NTAQ1: variants seen among roughly 807,000 people sequenced by gnomAD.
NTAQ1 encodes the protein N-terminal glutamine amidase 1.
In NTAQ1, 21 loss-of-function variants were observed where a neutral mutation model predicts 28.2. The ratio of observed to expected loss-of-function variants is 0.74; its 90% CI spans 0.53 to 1.07. The LOEUF (loss-of-function observed/expected upper bound fraction) is 1.07, where lower values mean the gene tolerates loss of function less well. Ranked by LOEUF, NTAQ1 falls within the 50% of genes least tolerant of loss-of-function variation. NTAQ1 has a pLI of 0.00. For synonymous variants in NTAQ1, 105 were observed against 90.0 expected, an observed-to-expected ratio of 1.17 and a Z score of -0.94; for missense variants, 264 against 256.6, an observed-to-expected ratio of 1.03 and a Z score of -0.20.
downstream of NTAQ1, among the ~76,000 whole-genome samples, chr8:123,472,371 A>C (rs1200477208): frequency 6.6e-6 from 1 of 152,198 alleles, no homozygotes; most frequent in East Asian, 1.9e-4. Context: ...AAATTACCAC[A>C]AACTTGATGA....
downstream of NTAQ1, among the ~76,000 whole-genome samples, chr8:123,447,082 AC>A (rs1464975902): frequency 6.6e-6 from 1 of 151,860 alleles, no homozygotes; most frequent in African/African-American, 2.4e-5. Context: ...ATTATCAGAA[AC>A]CTCATTCTAA....
exon 7 of NTAQ1, among the ~76,000 whole-genome samples, chr8:123,469,404 GGTT>G (rs1404615425): frequency 1.3e-5 from 2 of 152,142 alleles, no homozygotes; most frequent in Non-Finnish European, 2.9e-5. Context: ...AGACTAGGCT[GGTT>G]ATTCATCCTG....
intron 1 of NTAQ1, among the ~76,000 whole-genome samples, chr8:123,422,840 A>G (rs1483264250): frequency 6.6e-6 from 1 of 152,088 alleles, no homozygotes; most frequent in African/African-American, 2.4e-5. Flanking sequence ...GGGAGGGGTC[A>G]AGTTTCAATC....
intron 1 of NTAQ1, among the ~76,000 whole-genome samples, chr8:123,418,215 C>T (rs577792360): frequency 6.6e-6 from 1 of 152,272 alleles, no homozygotes; most frequent in South Asian, 2.1e-4. Flanking sequence ...CTTTGGGAGG[C>T]CGAGGTGGGC....
At chr8:123,417,678 G>C (rs987229674) in intron 1 of NTAQ1, among the ~76,000 whole-genome samples, 2 of 152,024 alleles carry the variant, frequency 1.3e-5, no homozygotes, top group Admixed American at 1.3e-4. Context: ...GGAAACCTCA[G>C]TGCTATCTAA....
chr8:123,416,762 C>T (rs1412404244), upstream of NTAQ1: 2 of 1,297,054 alleles, frequency 1.5e-6, no homozygotes, highest in Non-Finnish European at 2.0e-6. Context: ...ACGCCGGGAA[C>T]CCACGCGGGC....
chr8:123,423,187 G>A (rs13263685), intron 1 of NTAQ1, among the ~76,000 whole-genome samples: 54,561 of 151,446 alleles, frequency 0.36, 9,953 homozygotes, highest in East Asian at 0.57. Flanking sequence ...TCCACAACTC[G>A]CTTGCTCTTC....
downstream of NTAQ1, among the ~76,000 whole-genome samples, chr8:123,443,307 A>G (rs901664203): frequency 6.6e-6 from 1 of 152,206 alleles, no homozygotes; most frequent in East Asian, 1.9e-4. Flanking sequence ...GGCATGAGCC[A>G]CCGCACCCGG....
chr8:123,441,244 T>G, intron 5 of NTAQ1, 62 bp from the exon 6 acceptor site: 1 of 1,320,254 alleles, frequency 7.6e-7, no homozygotes, highest in Non-Finnish European at 1.1e-6. Context: ...CTGCATTGTT[T>G]TATTGCTGTT....
chr8:123,468,026 G>C (rs999403459), exon 7 of NTAQ1, among the ~76,000 whole-genome samples: 4 of 152,170 alleles, frequency 2.6e-5, no homozygotes, highest in African/African-American at 9.7e-5. Flanking sequence ...GGAGGTTCAG[G>C]ATCTCTAAAT....
In NTAQ1 at chr8:123,432,900, G is replaced by A. The variant is rs879317408; in HGVS notation, c.234+2867G>A. ...TTGCCATGTTGGCCAGGCTGATCTCGAACTCCTGACCTCAAGTGATCCGCC... is the reference window on the plus strand; with the variant it reads ...TTGCCATGTTGGCCAGGCTGATCTCAAACTCCTGACCTCAAGTGATCCGCC... On this transcript the variant is annotated intron_variant, in intron 3 of 5. Transcript: ENST00000287387. 3.7e-4 allele frequency among the ~76,000 whole-genome samples: 57 copies of A among 152,038 alleles called. 1 individual carries two copies. Among genetic ancestry groups the A allele is most frequent in the Non-Finnish European group, 1.5e-4 (10 of 68,000 alleles).
chr8:123,419,660 A>T (rs1813543321), intron 1 of NTAQ1, among the ~76,000 whole-genome samples: 1 of 151,856 alleles, frequency 6.6e-6, no homozygotes, highest in Non-Finnish European at 1.5e-5. Flanking sequence ...TCAGCTCATC[A>T]CTGGGAACCC....
chr8:123,429,634 G>A (rs1182707377), intron 2 of NTAQ1, among the ~76,000 whole-genome samples: 1 of 152,130 alleles, frequency 6.6e-6, no homozygotes, highest in African/African-American at 2.4e-5. Context: ...GGAGGCTGAG[G>A]TGGGCAGATC....
At chr8:123,450,749 C>A (rs1284221448), downstream of NTAQ1, among the ~76,000 whole-genome samples, 1 of 137,976 alleles carries the variant, frequency 7.2e-6, no homozygotes, top group Non-Finnish European at 1.6e-5. Flanking sequence ...AAGCCTCAGG[C>A]ACCACTCCAA....
chr8:123,456,024 T>G (rs1000670120), intron 6 of NTAQ1, among the ~76,000 whole-genome samples: 1 of 152,148 alleles, frequency 6.6e-6, no homozygotes, highest in Non-Finnish European at 1.5e-5. Flanking sequence ...GAATATTGAC[T>G]TTCTCCAATC....
chr8:123,440,354 C>T (rs1335731481), intron 5 of NTAQ1, among the ~76,000 whole-genome samples: 1 of 151,424 alleles, frequency 6.6e-6, no homozygotes, highest in African/African-American at 2.4e-5. Flanking sequence ...CGGGGTTTCA[C>T]CACGTTGGCC....
At chr8:123,462,106 C>T (rs1178714328) in intron 6 of NTAQ1, among the ~76,000 whole-genome samples, 1 of 152,046 alleles carries the variant, frequency 6.6e-6, no homozygotes, top group Admixed American at 6.6e-5. Context: ...AGTGCAGTGG[C>T]GTGATCTCAG....
intron 6 of NTAQ1, chr8:123,455,245 T>A (rs1041704024): frequency 6.6e-6 from 1 of 152,164 alleles, no homozygotes; most frequent in Admixed American, 6.6e-5. Flanking sequence ...CATGCACACC[T>A]CCGTCCCTGC....
chr8:123,449,929 A>ATGTGTGTGTGTGTGTGTG (rs368162793), downstream of NTAQ1, among the ~76,000 whole-genome samples: 26 of 66,702 alleles, frequency 3.9e-4, 1 homozygote, highest in African/African-American at 1.3e-3. Flanking sequence ...GTATATATAT[A>ATGTGTGTGTGTGTGTGTG]TGTGTGTGTG....
Sources: allele counts gnomAD v4.1 joint callset (sites outside exome capture counted in the v4.1 genomes callset), GRCh38; gene constraint gnomAD v4.1.1; transcripts MANE v1.5; gene names NCBI Gene and HGNC (gene_info 2026-07-23, HGNC 2026-07-21).